Variants in ATP13A4 observed in about 807,000 individuals in gnomAD.
The protein encoded by ATP13A4 is probable cation-transporting ATPase 13A4.
ATP13A4 carries 114 observed loss-of-function variants against 142.5 expected under a neutral mutation model. That is an observed-to-expected ratio of 0.80 (90% confidence interval 0.69 to 0.93). The LOEUF is 0.93. Among genes scored for constraint, ATP13A4 ranks in the 40% least tolerant of loss-of-function variants. The probability of loss-of-function intolerance (pLI) is 0.00; values close to 1 mark genes in which losing one functional copy is unlikely to be tolerated. For missense variants in ATP13A4, 1,392 were observed against 1,454.0 expected (o/e 0.96, Z 0.69); for synonymous variants, 488 against 514.8 (o/e 0.95, Z 0.70).
At chr3:193,486,196 T>A (rs940344597) in intron 7 of ATP13A4, among the ~76,000 whole-genome samples, 2 of 152,028 alleles carry the variant, frequency 1.3e-5, no homozygotes, top group African/African-American at 2.4e-5. Context: ...TTTAAGAGTT[T>A]AAAGAGCTCT....
At chr3:193,440,701 T>C in intron 20 of ATP13A4, 64 bp from the exon 21 acceptor site, 1 of 1,524,634 alleles carries the variant, frequency 6.6e-7, no homozygotes, top group Non-Finnish European at 9.1e-7. Context: ...AAATAATTAC[T>C]AACACTCAGA....
chr3:193,535,260 A>C (rs919411635), intron 1 of ATP13A4, among the ~76,000 whole-genome samples: 2 of 152,214 alleles, frequency 1.3e-5, no homozygotes, highest in East Asian at 3.8e-4. Flanking sequence ...TGGAACATAC[A>C]TTAAGATGGA....
At chr3:193,486,764 T>G (rs1719646704) in intron 7 of ATP13A4, among the ~76,000 whole-genome samples, 1 of 152,216 alleles carries the variant, frequency 6.6e-6, no homozygotes, top group African/African-American at 2.4e-5. Flanking sequence ...GCATATGCCT[T>G]TAGAAGTCAT....
chr3:193,539,329 C>A (rs1361009172), intron 1 of ATP13A4, among the ~76,000 whole-genome samples: 1 of 152,198 alleles, frequency 6.6e-6, no homozygotes, highest in Non-Finnish European at 1.5e-5. Flanking sequence ...AAAACCATCA[C>A]AATGGCCAAT....
intron 2 of ATP13A4, among the ~76,000 whole-genome samples, chr3:193,573,290 C>CTTATATATATATATATATATATAT (rs1279066051): frequency 5.5e-5 from 6 of 109,994 alleles, no homozygotes; most frequent in African/African-American, 2.2e-4. Context: ...TATATATATA[C>CTTATATATATATATATATATATAT]ACATATATAT....
chr3:193,456,686 G>T (rs1056062818), intron 16 of ATP13A4, among the ~76,000 whole-genome samples: 3 of 152,138 alleles, frequency 2.0e-5, no homozygotes, highest in Non-Finnish European at 4.4e-5. Flanking sequence ...AATGATGAAA[G>T]CATGAGCAGG....
At chr3:193,423,423 T>TA (rs199550353) in intron 25 of ATP13A4, among the ~76,000 whole-genome samples, 12 of 148,162 alleles carry the variant, frequency 8.1e-5, no homozygotes, top group African/African-American at 2.2e-4. Flanking sequence ...AATATAGATG[T>TA]AAAAAAAAAT....
chr3:193,512,454 A>G (rs910419019), intron 2 of ATP13A4, among the ~76,000 whole-genome samples: 1 of 152,172 alleles, frequency 6.6e-6, no homozygotes, highest in African/African-American at 2.4e-5. Flanking sequence ...TGAGCCATAC[A>G]TCAAATGTCT....
chr3:193,584,420 C>T (rs181437181), intron 1 of ATP13A4, among the ~76,000 whole-genome samples: 48 of 152,280 alleles, frequency 3.2e-4, no homozygotes, highest in African/African-American at 1.1e-3. Context: ...ACCTTCAGAA[C>T]TATAAGATAA....
intron 14 of ATP13A4, chr3:193,458,489 CAGTT>C (rs1171071663): frequency 1.9e-5 from 3 of 159,046 alleles, no homozygotes; most frequent in Admixed American, 5.9e-5. Context: ...ATTCAGCAGT[CAGTT>C]AGAGCAGAGA....
rs1560287219 is a variant in ATP13A4 at position 193,573,271 on chromosome 3, A to ATACATATATATATATG, written n.291+8435_291+8436insCATATATATATATGTA. On this transcript the variant is annotated intron_variant and non_coding_transcript_variant, in intron 2 of 3. Coordinates refer to the ATP13A4 transcript ENST00000489140. The stretch of plus-strand genomic sequence containing the variant: ...ACGAATACCACAGCCATATATATAT[A>ATACATATATATATATG]TATACATATATATATATACACATAT... Among the ~76,000 whole-genome samples, 822 of 93,472 alleles carry ATACATATATATATATG rather than the reference A, an allele frequency of 8.8e-3. 36 individuals are homozygous for ATACATATATATATATG. Among genetic ancestry groups the ATACATATATATATATG allele is most frequent in the African/African-American group, 0.036 (692 of 19,156 alleles). The allele number at this position is 93,472 out of a possible 152,430, so 61.3% of individuals were successfully genotyped here.
chr3:193,516,790 T>G (rs934837100), intron 1 of ATP13A4, among the ~76,000 whole-genome samples: 3 of 144,460 alleles, frequency 2.1e-5, no homozygotes, highest in African/African-American at 7.3e-5. Context: ...CATTCTTTTT[T>G]GGGCTACGCA....
Position 193,470,708 on chromosome 3 carries a change from G to A in ATP13A4, c.943+151C>T, listed in dbSNP as rs1038353621. 4.6e-6 allele frequency: 5 copies of A among 1,089,928 alleles called. No homozygotes were observed. The African/African-American group carries it at 4.7e-5, about 10-fold the overall frequency. The allele number at this position is 1,089,928 out of a possible 1,614,324, so 67.5% of individuals were successfully genotyped here. Reference sequence around the variant, plus strand: ...TCAGATCCATTCGCAGCAGGACTAAGTAAGATTTGTGGCAACGGGAAGGTC... The same window carrying A: ...TCAGATCCATTCGCAGCAGGACTAAATAAGATTTGTGGCAACGGGAAGGTC... On this transcript the variant is annotated intron_variant, in intron 9 of 29. Transcript: ENST00000342695.
chr3:193,544,894 GT>G (rs908148991), intron 1 of ATP13A4, among the ~76,000 whole-genome samples: 1 of 151,620 alleles, frequency 6.6e-6, no homozygotes, highest in Admixed American at 6.6e-5. Context: ...CTTAATTTCT[GT>G]TTTTTTTGCT....
chr3:193,449,894 C>A (rs142933480), intron 17 of ATP13A4, among the ~76,000 whole-genome samples: 5 of 151,968 alleles, frequency 3.3e-5, no homozygotes, highest in Non-Finnish European at 5.9e-5. Flanking sequence ...CCGAGGTGGA[C>A]GGATCACCTG....
At chr3:193,427,133 A>C (rs13088296) in intron 25 of ATP13A4, among the ~76,000 whole-genome samples, 22,789 of 152,140 alleles carry the variant, frequency 0.15, 1,836 homozygotes, top group South Asian at 0.24. Context: ...TCAATGTGCA[A>C]AAATCACAAG....
At chr3:193,527,807 GTGAAACTGGAC>G (rs1449095987) in intron 1 of ATP13A4, among the ~76,000 whole-genome samples, 5 of 152,104 alleles carry the variant, frequency 3.3e-5, no homozygotes, top group African/African-American at 1.2e-4. Flanking sequence ...TTATAGCAGT[GTGAAACTGGAC>G]TAATACACCC....
chr3:193,529,979 T>C (rs1268617607), intron 1 of ATP13A4, among the ~76,000 whole-genome samples: 1 of 152,198 alleles, frequency 6.6e-6, no homozygotes, highest in East Asian at 1.9e-4. Flanking sequence ...TTAAGATTCC[T>C]ATAAGCATTC....
intron 2 of ATP13A4, among the ~76,000 whole-genome samples, chr3:193,578,298 T>TATCTAC (rs1724451538): frequency 3.6e-5 from 2 of 55,326 alleles, no homozygotes; most frequent in African/African-American, 1.3e-4. Flanking sequence ...ATCTCAGAAA[T>TATCTAC]ATCTATATCT....
Sources: allele counts gnomAD v4.1 joint callset (sites outside exome capture counted in the v4.1 genomes callset), GRCh38; gene constraint gnomAD v4.1.1; transcripts MANE v1.5; gene names NCBI Gene and HGNC (gene_info 2026-07-23, HGNC 2026-07-21).